The following FRK variants were observed in gnomAD, a reference collection of about 807,000 sequenced individuals.
FRK encodes fyn related Src family tyrosine kinase.
A neutral mutation model predicts 56.4 loss-of-function variants in FRK; 51 were observed. That is an observed-to-expected ratio of 0.90 (90% CI 0.72 to 1.14). FRK has a LOEUF of 1.14. Among genes scored for constraint, FRK ranks in the 50% most tolerant of loss-of-function variants. The probability of loss-of-function intolerance (pLI) is 0.00; values close to 1 mark genes in which losing one functional copy is unlikely to be tolerated. For missense variants in FRK, 570 were observed against 601.4 expected (o/e 0.95, Z 0.55); for synonymous variants, 245 against 217.9 (o/e 1.12, Z -1.10).
At chr6:116,031,149 A>G (rs1318485738) in intron 1 of FRK, among the ~76,000 whole-genome samples, 1 of 152,156 alleles carries the variant, frequency 6.6e-6, no homozygotes, top group Admixed American at 6.6e-5. Context: ...CTAACTGTTA[A>G]GATGAGGGTT....
chr6:116,028,961 T>C (rs147161782), intron 1 of FRK, among the ~76,000 whole-genome samples: 39 of 152,292 alleles, frequency 2.6e-4, no homozygotes, highest in African/African-American at 9.1e-4. Flanking sequence ...AAACTTCCAG[T>C]TCCTGCCCTC....
At chr6:115,985,023 G>A (rs758325536) in intron 2 of FRK, among the ~76,000 whole-genome samples, 1 of 152,078 alleles carries the variant, frequency 6.6e-6, no homozygotes, top group Non-Finnish European at 1.5e-5. Context: ...TACTTGAAAG[G>A]CAGCATGGTG....
intron 5 of FRK, among the ~76,000 whole-genome samples, chr6:115,950,143 C>T (rs1772667879): frequency 6.6e-6 from 1 of 152,172 alleles, no homozygotes; most frequent in Non-Finnish European, 1.5e-5. Context: ...ATGACTAAAA[C>T]ACCAAAAGCA....
chr6:115,993,915 G>A (rs1237745146), intron 2 of FRK, among the ~76,000 whole-genome samples: 1 of 151,746 alleles, frequency 6.6e-6, no homozygotes, highest in Non-Finnish European at 1.5e-5. Context: ...TAGAATTTGT[G>A]CTTTCTTGTA....
chr6:115,950,229 A>C (rs1772670416), intron 5 of FRK, among the ~76,000 whole-genome samples: 1 of 152,224 alleles, frequency 6.6e-6, no homozygotes, highest in Admixed American at 6.5e-5. Context: ...AGAAACCATC[A>C]TCAGAGTGAA....
At chr6:116,056,805 C>T (rs549895853) in intron 1 of FRK, among the ~76,000 whole-genome samples, 7 of 151,964 alleles carry the variant, frequency 4.6e-5, no homozygotes, top group African/African-American at 1.7e-4. Flanking sequence ...AAATTCAAGT[C>T]GAAGATAAGA....
chr6:115,954,356 A>G (rs1167393814), intron 5 of FRK, among the ~76,000 whole-genome samples: 4 of 152,230 alleles, frequency 2.6e-5, no homozygotes, highest in African/African-American at 9.6e-5. Context: ...TCTAGCTGTT[A>G]TGTTAAGAAG....
intron 2 of FRK, among the ~76,000 whole-genome samples, chr6:115,997,008 A>G (rs2114677024): frequency 6.6e-6 from 1 of 152,316 alleles, no homozygotes; most frequent in East Asian, 1.9e-4. Flanking sequence ...ACAAATCCAG[A>G]GTATCATTCA....
At chr6:116,100,640 T>C in the FRK span, among the ~76,000 whole-genome samples, 2 of 152,168 alleles carry the variant, frequency 1.3e-5, no homozygotes, top group African/African-American at 4.8e-5. Flanking sequence ...TCTGGGCTCC[T>C]AGGCTTGCGG....
rs1010696600 is a variant in FRK, at chr6:116,060,544, C to T, written c.-233G>A. The stretch of plus-strand genomic sequence containing the variant: ...CTGGAGGTGCTACCCCGAGGCAAAA[C>T]TGAGCAGGAGCTGGGCAGCTGCTCA... On this transcript the variant is annotated 5_prime_UTR_variant, in exon 1 of 8. Coordinates refer to ENST00000606080, the MANE Select transcript of FRK (RefSeq NM_002031.3). The T allele has an allele frequency of 5.4e-5, 27 of 498,870 alleles. No homozygotes were observed. The East Asian group carries it at 8.6e-4, about 16-fold the overall frequency. 30.9% of individuals were successfully genotyped at this position (498,870 alleles called of 1,614,324 possible). A position where few individuals can be genotyped will look rare whatever the true frequency, so the allele number is the denominator to read the frequency against.
intron 1 of FRK, among the ~76,000 whole-genome samples, chr6:116,015,510 G>A (rs1464308832): frequency 4.6e-5 from 7 of 152,182 alleles, no homozygotes; most frequent in Admixed American, 4.6e-4. Flanking sequence ...AAGAAAAACT[G>A]AAAATGTGGA....
At chr6:115,947,152 T>TA (rs1772489034) in intron 5 of FRK, among the ~76,000 whole-genome samples, 1 of 152,120 alleles carries the variant, frequency 6.6e-6, no homozygotes, top group Non-Finnish European at 1.5e-5. Context: ...CTGGCCACAT[T>TA]CTAATGCTTG....
At chr6:116,058,580 T>G (rs1777483283) in intron 1 of FRK, among the ~76,000 whole-genome samples, 1 of 152,164 alleles carries the variant, frequency 6.6e-6, no homozygotes, top group African/African-American at 2.4e-5. Context: ...TAAGAGAATC[T>G]CCAATGGTTT....
chr6:116,011,520 G>C (rs1775467425), intron 1 of FRK, among the ~76,000 whole-genome samples: 1 of 151,746 alleles, frequency 6.6e-6, no homozygotes, highest in African/African-American at 2.4e-5. Context: ...AAACTGGGTC[G>C]ATCAACTTGG....
chr6:115,959,137 G>C (rs1773221315), intron 4 of FRK, among the ~76,000 whole-genome samples: 1 of 152,114 alleles, frequency 6.6e-6, no homozygotes, highest in African/African-American at 2.4e-5. Flanking sequence ...AGCTACTGTG[G>C]GAGTTCATTT....
At chr6:116,002,446 G>GT (rs762483759) in intron 2 of FRK, among the ~76,000 whole-genome samples, 2 of 152,066 alleles carry the variant, frequency 1.3e-5, no homozygotes, top group African/African-American at 2.4e-5. Context: ...GTGAAATCCC[G>GT]TCCCAACTGA....
At chr6:115,972,720 A>C (rs1030874950) in intron 2 of FRK, among the ~76,000 whole-genome samples, 4 of 152,176 alleles carry the variant, frequency 2.6e-5, no homozygotes, top group African/African-American at 9.7e-5. Flanking sequence ...CAAAAACTCC[A>C]TTTTAACATT....
chr6:115,957,904 A>G (rs1773070793), intron 4 of FRK, among the ~76,000 whole-genome samples: 1 of 152,216 alleles, frequency 6.6e-6, no homozygotes, highest in African/African-American at 2.4e-5. Context: ...GATAATAGCA[A>G]TGCCTGCACG....
chr6:116,023,741 C>T (rs1775967590), intron 1 of FRK, among the ~76,000 whole-genome samples: 2 of 151,950 alleles, frequency 1.3e-5, no homozygotes, highest in African/African-American at 4.8e-5. Context: ...GCGTTCGAAG[C>T]CAGCCTGGGC....
Sources: gnomAD v4.1 joint callset for allele counts (sites outside exome capture counted in the v4.1 genomes callset) on GRCh38, gnomAD v4.1.1 for gene constraint, MANE v1.5 for transcripts, NCBI Gene and HGNC (gene_info 2026-07-23, HGNC 2026-07-21) for gene names.